The following SPATS2 variants were observed in gnomAD, a reference collection of about 807,000 sequenced individuals.
SPATS2 encodes spermatogenesis-associated serine-rich protein 2.
A neutral mutation model predicts 63.7 loss-of-function variants in SPATS2; 38 were observed. That is an observed-to-expected ratio of 0.60 (90% confidence interval 0.46 to 0.78). The LOEUF (loss-of-function observed/expected upper bound fraction) is 0.78, where lower values mean the gene tolerates loss of function less well. Among genes scored for constraint, SPATS2 ranks in the 30% least tolerant of loss-of-function variants. The pLI is 0.00. For missense variants in SPATS2, 588 were observed against 666.2 expected (o/e 0.88, Z 1.29); for synonymous variants, 207 against 232.9 (o/e 0.89, Z 1.01).
At chr12:49,407,149 A>C (rs1410949619) in intron 2 of SPATS2, among the ~76,000 whole-genome samples, 4 of 152,112 alleles carry the variant, frequency 2.6e-5, no homozygotes, top group Non-Finnish European at 4.4e-5. Context: ...ATACATACTG[A>C]ATCTGACCAC....
At chr12:49,476,131 A>G (rs1249537687) in intron 3 of SPATS2, among the ~76,000 whole-genome samples, 7 of 152,148 alleles carry the variant, frequency 4.6e-5, no homozygotes, top group Non-Finnish European at 7.3e-5. Flanking sequence ...CTGTGCCTAT[A>G]AAAACCCAGA....
rs1276774170 is a variant in SPATS2 at position 49,496,853 on chromosome 12, G to A, written c.547G>A (p.Val183Ile). ...GACAGGATCCATGCTGCAGAATGGTGTCTCTGATTTTGAGACCAAGTCTTT... is the reference window on the plus strand; with the variant it reads ...GACAGGATCCATGCTGCAGAATGGTATCTCTGATTTTGAGACCAAGTCTTT... ...DRTGSMLQNGVSDFETKSLTM... is the reference protein window; with the variant it reads ...DRTGSMLQNGISDFETKSLTM... The change falls in exon 8 of 14, where the codon GTC becomes ATC. Residue 183 changes from valine (V) to isoleucine (I), a missense_variant. Coordinates refer to ENST00000552918, the MANE Select transcript of SPATS2 (RefSeq NM_023071.4). 1.2e-6 allele frequency: 2 copies of A among 1,614,106 alleles called. No homozygotes were observed. The highest frequency in any genetic ancestry group is 2.2e-5 in the South Asian group (2 of 91,074).
At chr12:49,486,148 T>C in intron 4 of SPATS2, 1 of 436,238 alleles carries the variant, frequency 2.3e-6, no homozygotes, top group South Asian at 1.7e-5. Flanking sequence ...GTTATCAGAA[T>C]CTTACCTTTA....
At chr12:49,375,369 A>G (rs1214032679) in intron 2 of SPATS2, among the ~76,000 whole-genome samples, 1 of 152,138 alleles carries the variant, frequency 6.6e-6, no homozygotes, top group Non-Finnish European at 1.5e-5. Context: ...GACTGAAAAG[A>G]CCAATTTGTA....
rs1945813354 is a variant in SPATS2 at position 49,461,048 on chromosome 12, A to G, written c.25+11A>G. On this transcript the variant is annotated intron_variant, in intron 3 of 13. Transcript: ENST00000552918. ...AACAGAACCAGAAGGGTAAGATTAC[A>G]TGTGGGCATAAATTGTTAAAAGCAT... The G allele has an allele frequency of 6.2e-7, 1 of 1,613,656 alleles. No homozygotes were observed. The highest frequency in any genetic ancestry group is 8.5e-7 in the Non-Finnish European group (1 of 1,179,784).
intron 9 of SPATS2, 77 bp downstream of exon 9, chr12:49,500,282 A>G: frequency 6.9e-7 from 1 of 1,448,590 alleles, no homozygotes; most frequent in Middle Eastern, 2.2e-4. Flanking sequence ...CCATTCCCCA[A>G]GTTCATTCAT....
intron 9 of SPATS2, among the ~76,000 whole-genome samples, chr12:49,508,309 G>A (rs1049318826): frequency 3.3e-5 from 5 of 152,216 alleles, no homozygotes; most frequent in Admixed American, 3.3e-4. Context: ...CCGGGTTCAA[G>A]CGATTCTCCT....
intron 2 of SPATS2, among the ~76,000 whole-genome samples, chr12:49,420,851 T>C (rs1401513951): frequency 6.6e-6 from 1 of 151,856 alleles, no homozygotes; most frequent in Non-Finnish European, 1.5e-5. Context: ...AAAGAAATAA[T>C]AATTAGAAAC....
chr12:49,503,349 C>A (rs1697292285), intron 9 of SPATS2, among the ~76,000 whole-genome samples: 1 of 146,030 alleles, frequency 6.8e-6, no homozygotes, highest in African/African-American at 2.6e-5. Flanking sequence ...GACTCCATCT[C>A]AAAAAACAAA....
At chr12:49,497,936 T>C (rs979601860) in intron 8 of SPATS2, among the ~76,000 whole-genome samples, 23 of 151,936 alleles carry the variant, frequency 1.5e-4, no homozygotes, top group East Asian at 1.2e-3. Context: ...CTGAGTTTCA[T>C]ACATCTAAGC....
Position 49,499,658 on chromosome 12 carries a change from CA to C in SPATS2, c.704-411del, listed in dbSNP as rs1294362610. 2.0e-5 allele frequency among the ~76,000 whole-genome samples: 3 copies of C among 152,112 alleles called. No individual in the cohort carries two copies. In the East Asian group the frequency reaches 5.8e-4, roughly 29 times the overall value. ...AATTCCCAACTTTGTCCCTTCAATT[CA>C]GGGGGTCCACCAGGCTGTTGAGGAT... is the stretch of plus-strand genomic sequence containing the variant. On this transcript the variant is annotated intron_variant, in intron 8 of 13. Transcript: ENST00000552918.
At chr12:49,466,186 C>T (rs895630969) in intron 3 of SPATS2, among the ~76,000 whole-genome samples, 2 of 151,328 alleles carry the variant, frequency 1.3e-5, no homozygotes, top group Admixed American at 6.6e-5. Context: ...TTTTTTGAAA[C>T]GGAGTCTCTC....
intron 9 of SPATS2, among the ~76,000 whole-genome samples, chr12:49,512,627 C>A (rs1214041489): frequency 6.6e-6 from 1 of 152,166 alleles, no homozygotes; most frequent in Non-Finnish European, 1.5e-5. Context: ...GCAGACCTTG[C>A]TAAAAGTGTC....
At chr12:49,448,901 A>G (rs1022439487) in intron 2 of SPATS2, among the ~76,000 whole-genome samples, 1 of 152,160 alleles carries the variant, frequency 6.6e-6, no homozygotes, top group Non-Finnish European at 1.5e-5. Flanking sequence ...CTTTCTCTAT[A>G]AAGGGCCATA....
At chr12:49,384,267 A>G (rs1944272890) in intron 2 of SPATS2, among the ~76,000 whole-genome samples, 1 of 152,224 alleles carries the variant, frequency 6.6e-6, no homozygotes, top group Admixed American at 6.5e-5. Flanking sequence ...GCCTGGCTAC[A>G]TTCTGGATAT....
intron 2 of SPATS2, chr12:49,389,460 C>G (rs1477018831): frequency 2.8e-6 from 2 of 705,154 alleles, no homozygotes; most frequent in Non-Finnish European, 5.1e-6. Context: ...GGCTTTGAGT[C>G]CTCATCGCCA....
intron 1 of SPATS2, among the ~76,000 whole-genome samples, chr12:49,369,421 A>G (rs1943961480): frequency 6.6e-6 from 1 of 152,196 alleles, no homozygotes; most frequent in African/African-American, 2.4e-5. Flanking sequence ...CAATTATTTC[A>G]TATTTTGTAA....
chr12:49,449,633 G>C (rs1945582298), intron 2 of SPATS2, among the ~76,000 whole-genome samples: 1 of 152,202 alleles, frequency 6.6e-6, no homozygotes. Context: ...GGCTGGGGAG[G>C]CCTCACAATC....
intron 2 of SPATS2, among the ~76,000 whole-genome samples, chr12:49,458,081 G>C (rs894746548): frequency 6.6e-6 from 1 of 152,132 alleles, no homozygotes; most frequent in Non-Finnish European, 1.5e-5. Context: ...TTTAATATAA[G>C]TGTACTCTCC....
Sources: gnomAD v4.1 joint callset for allele counts (sites outside exome capture counted in the v4.1 genomes callset) on GRCh38, gnomAD v4.1.1 for gene constraint, MANE v1.5 for transcripts, NCBI Gene and HGNC (gene_info 2026-07-23, HGNC 2026-07-21) for gene names.